Variants in HS2ST1 observed in about 807,000 individuals in gnomAD.
HS2ST1 encodes 2-O-sulfotransferase.
Under a neutral mutation model 42.9 loss-of-function variants are expected in HS2ST1, and 18 were observed. The observed-to-expected ratio is 0.42, with a 90% CI of 0.29 to 0.62. The LOEUF is 0.62. Ranked by LOEUF, HS2ST1 falls within the 20% of genes least tolerant of loss-of-function variation. The pLI is 0.21. For missense variants in HS2ST1, 334 were observed against 433.8 expected (o/e 0.77, Z 2.04); for synonymous variants, 146 against 152.9 (o/e 0.95, Z 0.33).
chr1:87,077,254 C>G (rs1005504622), intron 2 of HS2ST1, among the ~76,000 whole-genome samples: 2 of 152,150 alleles, frequency 1.3e-5, no homozygotes, highest in African/African-American at 4.8e-5. Context: ...ATTCCTACCT[C>G]CCCTACAAAA....
intron 5 of HS2ST1, 63 bp downstream of exon 5, chr1:87,097,998 C>T: frequency 3.7e-6 from 6 of 1,607,332 alleles, no homozygotes; most frequent in Non-Finnish European, 5.1e-6. Context: ...ATCTGTGTTT[C>T]ATTTCACAAG....
At chr1:86,985,172 G>A (rs1331685024) in intron 1 of HS2ST1, among the ~76,000 whole-genome samples, 2 of 148,940 alleles carry the variant, frequency 1.3e-5, no homozygotes, top group Non-Finnish European at 3.0e-5. Context: ...TGGCTAACAC[G>A]GTGAAACCCC....
chr1:86,941,756 C>G (rs1557487417), intron 1 of HS2ST1, among the ~76,000 whole-genome samples: 1 of 152,142 alleles, frequency 6.6e-6, no homozygotes, highest in Non-Finnish European at 1.5e-5. Context: ...GCCTGGGCAA[C>G]AGAGCAAGAA....
intron 1 of HS2ST1, among the ~76,000 whole-genome samples, chr1:87,067,418 T>A (rs905042307): frequency 6.6e-6 from 1 of 152,220 alleles, no homozygotes; most frequent in Non-Finnish European, 1.5e-5. Flanking sequence ...TTGATGGGGT[T>A]GTTTTTTTCT....
intron 4 of HS2ST1, among the ~76,000 whole-genome samples, 200 bp from the exon 5 acceptor site, chr1:87,097,638 C>T (rs1196446797): frequency 3.3e-5 from 5 of 152,236 alleles, no homozygotes. Flanking sequence ...GCGATCTGCC[C>T]GCCTCGGCCT....
chr1:87,080,253 G>A (rs1651650510), intron 2 of HS2ST1, among the ~76,000 whole-genome samples: 1 of 152,152 alleles, frequency 6.6e-6, no homozygotes, highest in South Asian at 2.1e-4. Flanking sequence ...AACGTCAAGG[G>A]TTATTGTTAA....
At chr1:87,080,774 A>G (rs1175646711) in intron 2 of HS2ST1, among the ~76,000 whole-genome samples, 8 of 152,094 alleles carry the variant, frequency 5.3e-5, no homozygotes, top group Admixed American at 5.2e-4. Context: ...GTAGGGGGAG[A>G]GCACAGTGAT....
chr1:87,067,661 G>A (rs531649367), intron 1 of HS2ST1, among the ~76,000 whole-genome samples: 10 of 152,028 alleles, frequency 6.6e-5, no homozygotes, highest in Non-Finnish European at 1.3e-4. Flanking sequence ...TGTCCTGAAT[G>A]GTGTTGCCTA....
intron 2 of HS2ST1, among the ~76,000 whole-genome samples, chr1:87,073,702 A>G (rs1218833208): frequency 6.6e-6 from 1 of 152,238 alleles, no homozygotes; most frequent in African/African-American, 2.4e-5. Context: ...AGATGAATAA[A>G]TAATTTTGTG....
At chr1:87,020,364 A>G (rs1246802086) in intron 1 of HS2ST1, among the ~76,000 whole-genome samples, 2 of 152,144 alleles carry the variant, frequency 1.3e-5, no homozygotes, top group Admixed American at 6.5e-5. Context: ...CTGATCAGCT[A>G]CTATTTGGTC....
intron 1 of HS2ST1, among the ~76,000 whole-genome samples, chr1:87,001,298 C>T (rs921287621): frequency 4.6e-5 from 7 of 152,084 alleles, no homozygotes; most frequent in South Asian, 2.1e-4. Flanking sequence ...ATGTAATCTT[C>T]GGGTTAAATT....
At chr1:87,083,480 CTGCTT>C (rs1438595907) in intron 2 of HS2ST1, among the ~76,000 whole-genome samples, 1 of 152,212 alleles carries the variant, frequency 6.6e-6, no homozygotes, top group Non-Finnish European at 1.5e-5. Flanking sequence ...TTGTATATCA[CTGCTT>C]TGCAGCTAGT....
At chr1:87,003,743 A>G (rs1042224178) in intron 1 of HS2ST1, among the ~76,000 whole-genome samples, 2 of 152,172 alleles carry the variant, frequency 1.3e-5, no homozygotes, top group Non-Finnish European at 2.9e-5. Context: ...CCTGAACAAT[A>G]CAGTATAACA....
chr1:86,972,356 T>A (rs1420230306), intron 1 of HS2ST1, among the ~76,000 whole-genome samples: 1 of 152,080 alleles, frequency 6.6e-6, no homozygotes, highest in Non-Finnish European at 1.5e-5. Flanking sequence ...ATTTAATAAT[T>A]ATTTTTTTTT....
chr1:86,993,957 G>A (rs941252225), intron 1 of HS2ST1, among the ~76,000 whole-genome samples: 7 of 152,152 alleles, frequency 4.6e-5, no homozygotes, highest in Non-Finnish European at 1.0e-4. Context: ...GAAAGGCAGC[G>A]AGAAGGGGTG....
At chr1:86,976,511 C>T (rs1648403954) in intron 1 of HS2ST1, among the ~76,000 whole-genome samples, 1 of 151,024 alleles carries the variant, frequency 6.6e-6, no homozygotes, top group Admixed American at 6.6e-5. Context: ...ATTTTTTTCT[C>T]AATTAAAAAC....
At chr1:87,097,659 T>A (rs1170354821) in intron 4 of HS2ST1, among the ~76,000 whole-genome samples, 179 bp from the exon 5 acceptor site, 1 of 152,212 alleles carries the variant, frequency 6.6e-6, no homozygotes, top group Admixed American at 6.5e-5. Flanking sequence ...CCCAAAGTGC[T>A]GGGATTAAAG....
chr1:87,075,161 C>CTTTTT lies in HS2ST1; in HGVS notation c.363+2009_363+2013dup, dbSNP rs34812948. ...GTCTCTGTGTACTGTTCTCAGCTAC[C>CTTTTT]TTTTTTTTTTTTTTTTTTTTTTTTG... On this transcript the variant is annotated intron_variant, in intron 2 of 6. Transcript: ENST00000370550. Among the ~76,000 whole-genome samples the CTTTTT allele has an allele frequency of 2.5e-3, 121 of 48,598 alleles. 1 individual carries two copies. The highest frequency in any genetic ancestry group is 3.4e-3 in the Admixed American group (10 of 2,924). 31.9% of individuals were successfully genotyped at this position (48,598 alleles called of 152,430 possible). A position where few individuals can be genotyped will look rare whatever the true frequency, so the allele number is the denominator to read the frequency against.
intron 1 of HS2ST1, among the ~76,000 whole-genome samples, chr1:86,946,952 A>G (rs1647358219): frequency 6.6e-6 from 1 of 152,154 alleles, no homozygotes; most frequent in Admixed American, 6.5e-5. Context: ...AGGGTCTGAG[A>G]TTTTATTGCA....
Sources: allele counts gnomAD v4.1 joint callset (sites outside exome capture counted in the v4.1 genomes callset), GRCh38; gene constraint gnomAD v4.1.1; transcripts MANE v1.5; gene names NCBI Gene and HGNC (gene_info 2026-07-23, HGNC 2026-07-21).